The following PCDHGA5 variants were observed in gnomAD, a reference collection of about 807,000 sequenced individuals.
PCDHGA5 encodes the protein protocadherin gamma subfamily A, 5, also known as protocadherin gamma-A5.
Under a neutral mutation model 56.7 loss-of-function variants are expected in PCDHGA5, and 36 were observed. The observed-to-expected ratio is 0.64, with a 90% CI of 0.49 to 0.84. PCDHGA5 has a LOEUF of 0.84. PCDHGA5 is among the 40% of genes least tolerant of loss of function. The pLI, the probability that PCDHGA5 is intolerant of heterozygous loss-of-function variation, is 0.00. For synonymous variants in PCDHGA5, 563 were observed against 520.2 expected (o/e 1.08, Z -1.12); for missense variants, 1,305 against 1,201.5 (o/e 1.09, Z -1.27).
chr5:141,432,415 G>A lies in PCDHGA5; in HGVS notation c.2422-62392G>A, dbSNP rs2097498934. The A allele has an allele frequency of 6.2e-7, 1 of 1,614,112 alleles. No homozygotes were observed. The highest frequency in any genetic ancestry group is 1.1e-5 in the South Asian group (1 of 91,092). On this transcript the variant is annotated intron_variant, in intron 1 of 3. Transcript: ENST00000518069. This position sits in a 1 kb window ranked among gnomAD's most constrained non-coding sequence, Gnocchi z 6.0. ...GCAACGTGTCGTTGAGCCTGTTCGT[G>A]CTGGACCAGAACGACAATGCGCCCG... is the stretch of plus-strand genomic sequence containing the variant.
intron 1 of PCDHGA5, chr5:141,419,504 C>T (rs577411043): frequency 4.7e-5 from 75 of 1,612,298 alleles, no homozygotes; most frequent in South Asian, 2.7e-4. Flanking sequence ...TGTGAGCCTG[C>T]GCGTGTTGGT....
At chr5:141,401,129 G>A (rs1327832164) in intron 1 of PCDHGA5, among the ~76,000 whole-genome samples, 3 of 152,168 alleles carry the variant, frequency 2.0e-5, no homozygotes, top group African/African-American at 7.2e-5. Context: ...GGATCACATG[G>A]TCAGGAGTTC....
intron 1 of PCDHGA5, chr5:141,375,948 A>G (rs773530247): frequency 2.5e-6 from 4 of 1,613,438 alleles, no homozygotes; most frequent in Non-Finnish European, 2.5e-6. Context: ...GTGGGCCTGC[A>G]CACGGGCGAG....
chr5:141,409,613 A>G lies in PCDHGA5; in HGVS notation c.2421+42862A>G, dbSNP rs370495173. On this transcript the variant is annotated intron_variant, in intron 1 of 3. Coordinates refer to ENST00000518069, the MANE Select transcript of PCDHGA5 (RefSeq NM_018918.3). Reference sequence around the variant, plus strand: ...CGAGAACAACCCGCCAGGAGCCTCCATTGCGCAAGTGAGCGCCTCTGACCC... The same window carrying G: ...CGAGAACAACCCGCCAGGAGCCTCCGTTGCGCAAGTGAGCGCCTCTGACCC... The G allele has an allele frequency of 8.4e-5, 136 of 1,613,856 alleles. No individual in the cohort carries two copies. Among genetic ancestry groups the G allele is most frequent in the Middle Eastern group, 8.2e-4 (5 of 6,062 alleles).
intron 1 of PCDHGA5, among the ~76,000 whole-genome samples, chr5:141,447,244 A>T (rs1475037979): frequency 6.6e-6 from 1 of 152,062 alleles, no homozygotes; most frequent in Non-Finnish European, 1.5e-5. Flanking sequence ...GGTTCAAGTG[A>T]TTCTTCTGTC....
intron 1 of PCDHGA5, among the ~76,000 whole-genome samples, chr5:141,436,832 C>T (rs1242760381): frequency 6.6e-6 from 1 of 152,172 alleles, no homozygotes; most frequent in African/African-American, 2.4e-5. Flanking sequence ...ATCTTAAGTG[C>T]CTAGGCACAT....
intron 1 of PCDHGA5, chr5:141,385,263 T>G: frequency 6.2e-7 from 1 of 1,613,672 alleles, no homozygotes; most frequent in Non-Finnish European, 8.5e-7. Context: ...GTGAGAAAAA[T>G]GATTCTTTGC....
Position 141,366,351 on chromosome 5 carries a change from A to T in PCDHGA5, c.2021A>T (p.Asp674Val). The T allele has an allele frequency of 6.2e-7, 1 of 1,613,946 alleles. No homozygotes were observed. Among genetic ancestry groups the T allele is most frequent in the Non-Finnish European group, 8.5e-7 (1 of 1,180,034 alleles). Residue 674 changes from aspartate (D) to valine (V), a missense_variant, in exon 1 of 4, where the codon GAC becomes GTC. Physicochemically the swap from Asp to Val is radical, Grantham distance 152. Coordinates refer to ENST00000518069, the MANE Select transcript of PCDHGA5 (RefSeq NM_018918.3). ...GACAGGATCCCTGACATCCTGGCTG[A>T]CCTAGGCAGTATCAAGACCCCCATT... is the stretch of plus-strand genomic sequence containing the variant. ...VADRIPDILA[D>V]LGSIKTPIDP... is the part of the protein sequence containing the mutation.
At chr5:141,410,425 C>G (rs779212749) in intron 1 of PCDHGA5, 1 of 1,614,030 alleles carries the variant, frequency 6.2e-7, no homozygotes, top group South Asian at 1.1e-5. Flanking sequence ...TAGTTCCCCC[C>G]AACTACAGTG....
chr5:141,423,095 A>ACG (rs2096709208), intron 1 of PCDHGA5: 4 of 1,613,860 alleles, frequency 2.5e-6, no homozygotes, highest in African/African-American at 2.7e-5. Flanking sequence ...GTGGGGGAGC[A>ACG]CACGGGCGAG....
At position 141,372,056 on chromosome 5, in the gene PCDHGA5, C is replaced by T. The variant is rs1228124665; in HGVS notation, c.2421+5305C>T. ...TGAGCCTGCGCGTGTTGGTGGACGACCGCAACGACAATGCACCGCTGGTGC... is the reference window on the plus strand; with the variant it reads ...TGAGCCTGCGCGTGTTGGTGGACGATCGCAACGACAATGCACCGCTGGTGC... On this transcript the variant is annotated intron_variant, in intron 1 of 3. Transcript: ENST00000518069. The T allele has an allele frequency of 4.3e-6, 7 of 1,613,578 alleles. No individual in the cohort carries two copies. In the East Asian group the frequency reaches 1.6e-4, roughly 36 times the overall value.
At chr5:141,370,411 G>A (rs757547025) in intron 1 of PCDHGA5, 2 of 1,566,772 alleles carry the variant, frequency 1.3e-6, no homozygotes, top group South Asian at 1.2e-5. Context: ...AATAGCTCCG[G>A]ATGGAGGGGC....
At chr5:141,435,800 A>G (rs530461064) in intron 1 of PCDHGA5, among the ~76,000 whole-genome samples, 20 of 152,128 alleles carry the variant, frequency 1.3e-4, no homozygotes, top group Non-Finnish European at 2.6e-4. Flanking sequence ...ATAACGTCCC[A>G]ATTATTTTTT....
At chr5:141,441,782 G>T in intron 1 of PCDHGA5, 1 of 391,086 alleles carries the variant, frequency 2.6e-6, no homozygotes, top group East Asian at 8.8e-5. Context: ...TGGACGACCT[G>T]AATGACAACG....
chr5:141,425,482 C>G (rs1257043728), intron 1 of PCDHGA5, among the ~76,000 whole-genome samples: 1 of 152,192 alleles, frequency 6.6e-6, no homozygotes, highest in East Asian at 1.9e-4. Flanking sequence ...CCTATGGCAA[C>G]CTACTAGGCT....
Position 141,427,790 on chromosome 5 carries a change from C to T in PCDHGA5, c.2421+61039C>T, listed in dbSNP as rs1212280689. ...TGGAGCTGCGGGCACTGTCGTCCTACGTGTCCGTGAGCGCACAGAGCGGGG... is the reference window on the plus strand; with the variant it reads ...TGGAGCTGCGGGCACTGTCGTCCTATGTGTCCGTGAGCGCACAGAGCGGGG... On this transcript the variant is annotated intron_variant, in intron 1 of 3. Transcript: ENST00000518069. 2.0e-6 allele frequency: 3 copies of T among 1,482,108 alleles called. No homozygotes were observed. The Admixed American group carries it at 5.0e-5, about 25-fold the overall frequency. 91.8% of individuals were successfully genotyped at this position (1,482,108 alleles called of 1,614,324 possible).
chr5:141,458,509 CTTTGT>C (rs1181745590), intron 1 of PCDHGA5, among the ~76,000 whole-genome samples: 1 of 149,986 alleles, frequency 6.7e-6, no homozygotes, highest in Non-Finnish European at 1.5e-5. Context: ...CTGTTTGACA[CTTTGT>C]TTTTTTTTTT....
chr5:141,417,963 A>T (rs1260025037), intron 1 of PCDHGA5: 1 of 1,613,258 alleles, frequency 6.2e-7, no homozygotes, highest in Non-Finnish European at 8.5e-7. Flanking sequence ...CCGATCCGCT[A>T]CTCGATTCCG....
chr5:141,475,721 G>A (rs867365261), intron 1 of PCDHGA5, among the ~76,000 whole-genome samples: 1 of 152,248 alleles, frequency 6.6e-6, no homozygotes. Context: ...ACAGCCCCAA[G>A]GCTGGCTTTC....
Sources: allele counts gnomAD v4.1 joint callset (sites outside exome capture counted in the v4.1 genomes callset), GRCh38; gene constraint gnomAD v4.1.1; non-coding constraint Gnocchi (gnomAD v3.1); transcripts MANE v1.5; gene names NCBI Gene and HGNC (gene_info 2026-07-23, HGNC 2026-07-21).